Variants in ENTREP2 observed in about 807,000 individuals in gnomAD.
The protein encoded by ENTREP2 is protein ENTREP2.
chr15:29,305,883 G>C, the ENTREP2 span, among the ~76,000 whole-genome samples: 62 of 152,346 alleles, frequency 4.1e-4, 1 homozygote, highest in South Asian at 0.012. Context: ...TGGATAGAGA[G>C]GAAGACTCGG....
At chr15:29,355,771 C>T in the ENTREP2 span, among the ~76,000 whole-genome samples, 23 of 152,072 alleles carry the variant, frequency 1.5e-4, no homozygotes, top group African/African-American at 5.6e-4. Context: ...TCACCCATGT[C>T]CCCATGGTGA....
the ENTREP2 span, among the ~76,000 whole-genome samples, chr15:29,637,144 T>G: frequency 6.6e-6 from 1 of 152,228 alleles, no homozygotes; most frequent in African/African-American, 2.4e-5. Context: ...GATCCTCAGA[T>G]GCTGTTGGCC....
chr15:29,316,360 G>C, the ENTREP2 span, among the ~76,000 whole-genome samples: 1 of 152,152 alleles, frequency 6.6e-6, no homozygotes, highest in Non-Finnish European at 1.5e-5. Flanking sequence ...GAGAGACAGA[G>C]AGACTTAAGA....
At chr15:29,261,046 G>C in the ENTREP2 span, among the ~76,000 whole-genome samples, 3 of 152,034 alleles carry the variant, frequency 2.0e-5, no homozygotes, top group Non-Finnish European at 2.9e-5. Flanking sequence ...AATAAAAATA[G>C]ACTATATAAT....
the ENTREP2 span, among the ~76,000 whole-genome samples, chr15:29,353,599 A>G: frequency 1.3e-5 from 2 of 152,222 alleles, no homozygotes; most frequent in Non-Finnish European, 2.9e-5. Flanking sequence ...CTCCCAAGAC[A>G]CAGTAGCTCA....
At chr15:29,664,612 G>A in the ENTREP2 span, among the ~76,000 whole-genome samples, 3 of 152,108 alleles carry the variant, frequency 2.0e-5, no homozygotes, top group Admixed American at 6.6e-5. Context: ...CAACACAAAC[G>A]CGCCCACTGA....
the ENTREP2 span, among the ~76,000 whole-genome samples, chr15:29,554,015 T>C: frequency 6.6e-6 from 1 of 152,090 alleles, no homozygotes; most frequent in Non-Finnish European, 1.5e-5. Context: ...TGGAATTCCA[T>C]TTAAAAGGAA....
chr15:29,599,656 G>A, the ENTREP2 span, among the ~76,000 whole-genome samples: 2 of 152,180 alleles, frequency 1.3e-5, no homozygotes, highest in African/African-American at 4.8e-5. Flanking sequence ...TGAACACTGT[G>A]TGTAAGACAG....
chr15:29,181,294 C>A, the ENTREP2 span, among the ~76,000 whole-genome samples: 1 of 152,022 alleles, frequency 6.6e-6, no homozygotes, highest in African/African-American at 2.4e-5. Flanking sequence ...AATTACCAAG[C>A]CCTGGTGATT....
chr15:29,646,414 T>C, the ENTREP2 span, among the ~76,000 whole-genome samples: 2 of 152,178 alleles, frequency 1.3e-5, no homozygotes, highest in Admixed American at 6.5e-5. Context: ...CTGGGGAGCT[T>C]GTTTCCTTTC....
At chr15:29,400,954 C>T in the ENTREP2 span, among the ~76,000 whole-genome samples, 1 of 152,232 alleles carries the variant, frequency 6.6e-6, no homozygotes, top group Non-Finnish European at 1.5e-5. Flanking sequence ...TGCCATCGCC[C>T]CGGGCCTTCT....
At chr15:29,526,793 T>C in the ENTREP2 span, among the ~76,000 whole-genome samples, 1 of 151,982 alleles carries the variant, frequency 6.6e-6, no homozygotes, top group African/African-American at 2.4e-5. Context: ...GTTTGCCCCA[T>C]ACCTTCCCAT....
the ENTREP2 span, among the ~76,000 whole-genome samples, chr15:29,170,307 CAAAAAAAAA>C: frequency 3.5e-5 from 2 of 57,380 alleles, no homozygotes; most frequent in African/African-American, 9.2e-5. Flanking sequence ...GACTCCATCT[CAAAAAAAAA>C]AAAAAAAAAA....
At chr15:29,399,766 T>C in the ENTREP2 span, among the ~76,000 whole-genome samples, 1 of 152,226 alleles carries the variant, frequency 6.6e-6, no homozygotes, top group Admixed American at 6.5e-5. Flanking sequence ...TCGTATGTAC[T>C]ATATGCTGTA....
the ENTREP2 span, among the ~76,000 whole-genome samples, chr15:29,590,683 CAAAAAAA>C: frequency 4.0e-5 from 3 of 75,334 alleles, no homozygotes; most frequent in Admixed American, 1.9e-4. Context: ...GACTCCGTCT[CAAAAAAA>C]AAAAAAAAAA....
At chr15:29,511,781 T>C in the ENTREP2 span, among the ~76,000 whole-genome samples, 1 of 148,326 alleles carries the variant, frequency 6.7e-6, no homozygotes, top group Non-Finnish European at 1.5e-5. Context: ...CACAGCTTAG[T>C]ACCTGCATAA....
chr15:29,480,532 C>T, the ENTREP2 span, among the ~76,000 whole-genome samples: 3 of 151,506 alleles, frequency 2.0e-5, no homozygotes, highest in Non-Finnish European at 4.4e-5. Context: ...CACAGAAGGA[C>T]GTGATGCAAA....
At chr15:29,385,949 C>T in the ENTREP2 span, among the ~76,000 whole-genome samples, 1 of 151,518 alleles carries the variant, frequency 6.6e-6, no homozygotes, top group Non-Finnish European at 1.5e-5. Context: ...ACTGGCAGGC[C>T]ACTGACGGCG....
the ENTREP2 span, among the ~76,000 whole-genome samples, chr15:29,204,534 G>T: frequency 3.0e-4 from 45 of 152,226 alleles, no homozygotes; most frequent in Non-Finnish European, 5.1e-4. Context: ...GGAGGAAGGA[G>T]GCGCAGCACG....
Sources: gnomAD v4.1 joint callset for allele counts (sites outside exome capture counted in the v4.1 genomes callset) on GRCh38, gnomAD v4.1.1 for gene constraint, MANE v1.5 for transcripts, NCBI Gene and HGNC (gene_info 2026-07-23, HGNC 2026-07-21) for gene names.